The following ZFHX4 variants were observed in gnomAD, a reference collection of about 807,000 sequenced individuals.
ZFHX4 encodes zinc finger homeobox 4.
In ZFHX4, 56 loss-of-function variants were observed where a neutral mutation model predicts 267.6. That is an observed-to-expected ratio of 0.21 (90% CI 0.17 to 0.26). ZFHX4 has a LOEUF of 0.26. ZFHX4 is among the 10% of genes least tolerant of loss of function. The pLI is 1.00. For missense variants in ZFHX4, 4,332 were observed against 4,420.0 expected, an observed-to-expected ratio of 0.98 and a Z score of 0.56; for synonymous variants, 1,778 against 1,665.6, an observed-to-expected ratio of 1.07 and a Z score of -1.64.
chr8:76,713,282 AAGAT>A (rs142140233), intron 3 of ZFHX4, among the ~76,000 whole-genome samples: 1,749 of 143,170 alleles, frequency 0.012, 15 homozygotes, highest in South Asian at 0.048. Context: ...GATAGATAGA[AAGAT>A]AGATAGATAG....
chr8:76,704,227 A>G lies in ZFHX4; in HGVS notation c.139A>G (p.Thr47Ala). 1 of 1,614,024 alleles carries G rather than the reference A, an allele frequency of 6.2e-7. No individual in the cohort carries two copies. Among genetic ancestry groups the G allele is most frequent in the Non-Finnish European group, 8.5e-7 (1 of 1,179,884 alleles). The change falls in exon 2 of 11, where the codon ACA (threonine) becomes GCA (alanine). Residue 47 changes from threonine to alanine, a missense_variant. Around this residue, in one of 7 missense-constraint regions of ZFHX4, gnomAD observed 1,195 missense variants for 1,173.6 expected, o/e 1.02. Transcript: ENST00000651372. Reference sequence around the variant, plus strand: ...GGAGCCTGACAGGGAAAACAGCTCCACAGATGACAACCTGAAAACGGATGA... The same window carrying G: ...GGAGCCTGACAGGGAAAACAGCTCCGCAGATGACAACCTGAAAACGGATGA... ...GMEPDRENSS[T>A]DDNLKTDERK...
intron 3 of ZFHX4, among the ~76,000 whole-genome samples, chr8:76,723,178 T>G (rs1421699252): frequency 2.6e-5 from 4 of 152,104 alleles, no homozygotes; most frequent in Non-Finnish European, 4.4e-5. Flanking sequence ...TAGTAAGTGA[T>G]GCTCACAGCT....
intron 3 of ZFHX4, among the ~76,000 whole-genome samples, chr8:76,741,197 A>T (rs1262579005): frequency 6.6e-6 from 1 of 152,206 alleles, no homozygotes; most frequent in Non-Finnish European, 1.5e-5. Context: ...ATATCTGGAG[A>T]CTAGGAACAG....
chr8:76,814,359 A>G (rs1251340646), intron 4 of ZFHX4, among the ~76,000 whole-genome samples: 1 of 152,216 alleles, frequency 6.6e-6, no homozygotes, highest in Admixed American at 6.5e-5. Flanking sequence ...ATGATAAAAG[A>G]GAATGGAGAT....
Position 76,852,476 on chromosome 8 carries a change from T to G in ZFHX4, c.5555T>G (p.Val1852Gly). 6.3e-7 allele frequency: 1 copy of G among 1,585,262 alleles called. No individual in the cohort carries two copies. Among genetic ancestry groups the G allele is most frequent in the African/African-American group, 1.3e-5 (1 of 74,424 alleles). The change falls in exon 10 of 11, where the codon GTG becomes GGG. Residue 1852 changes from valine (V) to glycine (G), a missense_variant. Coordinates refer to ENST00000651372, the MANE Select transcript of ZFHX4 (RefSeq NM_024721.5). ...GCAGACTGCCAAATCATGAAGGATG[T>G]GCCATCTTATAAGGAGGCAGAAGAT... ...VSADCQIMKD[V>G]PSYKEAEDIS... is the part of the protein sequence containing the mutation.
At chr8:76,858,312 T>C (rs755352785) in intron 10 of ZFHX4, among the ~76,000 whole-genome samples, 2 of 152,234 alleles carry the variant, frequency 1.3e-5, no homozygotes, top group Non-Finnish European at 2.9e-5. Context: ...CTATTTGTAA[T>C]AGCATTAGTG....
chr8:76,779,587 C>A (rs963515529), intron 4 of ZFHX4, among the ~76,000 whole-genome samples: 4 of 152,148 alleles, frequency 2.6e-5, no homozygotes. Flanking sequence ...GAGGGCACTG[C>A]AGCAGCGAAA....
chr8:76,784,212 G>GTTTTA (rs141649405), intron 4 of ZFHX4, among the ~76,000 whole-genome samples: 17,012 of 150,966 alleles, frequency 0.11, 1,207 homozygotes, highest in South Asian at 0.17. Context: ...GGGGGTTAAA[G>GTTTTA]TTTTATTTTA....
chr8:76,781,770 TAAGTA>T (rs1413057871), intron 4 of ZFHX4, among the ~76,000 whole-genome samples: 1 of 152,090 alleles, frequency 6.6e-6, no homozygotes, highest in Non-Finnish European at 1.5e-5. Flanking sequence ...AAACATCTGT[TAAGTA>T]AAGAGAGATT....
chr8:76,705,480 T>C lies in ZFHX4; in HGVS notation c.1392T>C (p.Ser464=), dbSNP rs1808232098. The change falls in exon 2 of 11, where the codon AGT becomes AGC. Residue 464 remains serine (S), a synonymous_variant. Coordinates refer to ENST00000651372, the MANE Select transcript of ZFHX4 (RefSeq NM_024721.5). ...CAAACGGGGAGTGCCCTGTCAAAAG[T>C]GAACCCACTGAACCGGGAGATGAGG... The part of the protein sequence containing the change: ...LHPNGECPVK[S]EPTEPGDEDE... The C allele has an allele frequency of 1.2e-6, 2 of 1,613,554 alleles. No individual in the cohort carries two copies. Among genetic ancestry groups the C allele is most frequent in the Admixed American group, 3.3e-5 (2 of 59,956 alleles).
intron 3 of ZFHX4, among the ~76,000 whole-genome samples, chr8:76,762,790 T>C (rs1216807047): frequency 6.6e-6 from 1 of 152,204 alleles, no homozygotes; most frequent in African/African-American, 2.4e-5. Flanking sequence ...ATTGTAATCA[T>C]CGTATTGACT....
intron 3 of ZFHX4, among the ~76,000 whole-genome samples, chr8:76,721,561 C>T (rs1166027333): frequency 6.6e-6 from 1 of 152,054 alleles, no homozygotes; most frequent in Non-Finnish European, 1.5e-5. Context: ...GTAAGTTGTC[C>T]CTGTTCACAG....
chr8:76,716,405 C>T (rs1183930865), intron 3 of ZFHX4, among the ~76,000 whole-genome samples: 1 of 152,120 alleles, frequency 6.6e-6, no homozygotes, highest in East Asian at 1.9e-4. Flanking sequence ...ACATACTTTT[C>T]CTAACAGCCA....
intron 3 of ZFHX4, among the ~76,000 whole-genome samples, chr8:76,725,251 T>C (rs1773891895): frequency 1.3e-5 from 2 of 152,116 alleles, no homozygotes; most frequent in Admixed American, 6.6e-5. Context: ...ACAATGTACA[T>C]TGTCATAATA....
At chr8:76,756,125 G>C (rs1200751758) in intron 3 of ZFHX4, among the ~76,000 whole-genome samples, 1 of 152,150 alleles carries the variant, frequency 6.6e-6, no homozygotes, top group South Asian at 2.1e-4. Flanking sequence ...CTTAGTGCTT[G>C]TTGATGGCAT....
intron 3 of ZFHX4, among the ~76,000 whole-genome samples, chr8:76,749,332 G>A (rs1416215691): frequency 2.6e-5 from 4 of 152,036 alleles, no homozygotes; most frequent in African/African-American, 7.3e-5. Context: ...TTCCCTCATC[G>A]ACTCTTTGTC....
chr8:76,807,500 C>A (rs972318219), intron 4 of ZFHX4, among the ~76,000 whole-genome samples: 1 of 152,074 alleles, frequency 6.6e-6, no homozygotes. Flanking sequence ...GGGATAGCTT[C>A]TTTCTCATAC....
chr8:76,766,199 G>A (rs1189190589), intron 3 of ZFHX4, among the ~76,000 whole-genome samples: 2 of 151,480 alleles, frequency 1.3e-5, no homozygotes, highest in Non-Finnish European at 2.9e-5. Context: ...TGATCATTTA[G>A]GCCAACTGAT....
chr8:76,809,337 G>T (rs1811320011), intron 4 of ZFHX4, among the ~76,000 whole-genome samples: 1 of 152,066 alleles, frequency 6.6e-6, no homozygotes, highest in Non-Finnish European at 1.5e-5. Context: ...CTAGCACAAG[G>T]CTAGCAAATA....
Sources: allele counts gnomAD v4.1 joint callset (sites outside exome capture counted in the v4.1 genomes callset), GRCh38; gene constraint gnomAD v4.1.1; regional missense constraint gnomAD v4.1.1; transcripts MANE v1.5; gene names NCBI Gene and HGNC (gene_info 2026-07-23, HGNC 2026-07-21).